The following RFC3 variants were observed in gnomAD, a reference collection of about 807,000 sequenced individuals.
RFC3 encodes A1 38 kDa subunit.
Under a neutral mutation model 45.1 loss-of-function variants are expected in RFC3, and 41 were observed. That is an observed-to-expected ratio of 0.91 (90% confidence interval 0.71 to 1.18). The LOEUF (loss-of-function observed/expected upper bound fraction) is 1.18, where lower values mean the gene tolerates loss of function less well. Among genes scored for constraint, RFC3 ranks in the 50% most tolerant of loss-of-function variants. The pLI is 0.00. For synonymous variants in RFC3, 149 were observed against 144.0 expected, an observed-to-expected ratio of 1.03 and a Z score of -0.25; for missense variants, 423 against 428.1, an observed-to-expected ratio of 0.99 and a Z score of 0.10.
chr13:33,938,439 G>A (rs548513031), intron 8 of RFC3, among the ~76,000 whole-genome samples: 1 of 152,080 alleles, frequency 6.6e-6, no homozygotes, highest in South Asian at 2.1e-4. Context: ...TAAAAACCAT[G>A]AAGAAGCAAC....
chr13:33,825,842 C>G lies in RFC3; in HGVS notation c.347C>G (p.Ala116Gly), dbSNP rs1353909938. 1.2e-6 allele frequency: 2 copies of G among 1,607,958 alleles called. No homozygotes were observed. The highest frequency in any genetic ancestry group is 1.7e-6 in the Non-Finnish European group (2 of 1,177,096). Residue 116 changes from alanine (A) to glycine (G), a missense_variant, in exon 4 of 9, where the codon GCA (alanine) becomes GGA (glycine). Coordinates refer to ENST00000380071, the MANE Select transcript of RFC3 (RefSeq NM_002915.4). ...VVIQEMLKTV[A>G]QSQQLETNSQ... is the part of the protein sequence containing the mutation. ...ATTCAGGAGATGTTGAAAACAGTGG[C>G]ACAATCACAACAACTTGAAACAAAC...
rs187154427 is a variant in RFC3 at position 33,819,126 on chromosome 13, A to G, written c.87+861A>G. On this transcript the variant is annotated intron_variant, in intron 1 of 8. Transcript: ENST00000380071. The stretch of plus-strand genomic sequence containing the variant: ...AGGCTGGTCTCGAACTCCTGACCTC[A>G]GGTGATCCGCCTGCCTCGGCCTCCC... Among the ~76,000 whole-genome samples, 1,311 of 152,204 alleles carry G rather than the reference A, an allele frequency of 8.6e-3. 24 individuals carry two copies. Among genetic ancestry groups the G allele is most frequent in the African/African-American group, 0.03 (1,241 of 41,548 alleles).
In RFC3 at chr13:33,830,952, G is replaced by A; in HGVS notation, c.710+97G>A. 10 of 955,806 alleles carry A rather than the reference G, an allele frequency of 1.0e-5. No homozygotes were observed. In the South Asian group the frequency reaches 1.6e-4, roughly 15 times the overall value. The allele number at this position is 955,806 out of a possible 1,614,324, so 59.2% of individuals were successfully genotyped here. ...GGAAGACAATTTTTCCATGGACTGG[G>A]CAGGGGTGGGGGATGGTTTCAGGAT... is the stretch of plus-strand genomic sequence containing the variant. On this transcript the variant is annotated intron_variant, in intron 6 of 8. Transcript: ENST00000380071.
intron 8 of RFC3, among the ~76,000 whole-genome samples, chr13:33,899,452 G>A (rs1593677056): frequency 6.6e-6 from 1 of 151,718 alleles, no homozygotes; most frequent in East Asian, 1.9e-4. Flanking sequence ...TTCAATAGAT[G>A]CTAAAAACGC....
intron 8 of RFC3, among the ~76,000 whole-genome samples, chr13:33,925,148 A>G (rs774531829): frequency 1.4e-5 from 2 of 147,106 alleles, no homozygotes; most frequent in Non-Finnish European, 3.0e-5. Flanking sequence ...ATAGTGTACT[A>G]TATACATACA....
At chr13:33,820,713 A>G (rs982415382) in intron 1 of RFC3, among the ~76,000 whole-genome samples, 3 of 152,226 alleles carry the variant, frequency 2.0e-5, no homozygotes, top group Admixed American at 1.3e-4. Context: ...TCAGAGTTAC[A>G]GAATCCTAAT....
At chr13:33,941,016 C>T (rs553948205) in intron 8 of RFC3, among the ~76,000 whole-genome samples, 166 of 152,356 alleles carry the variant, frequency 1.1e-3, no homozygotes, top group African/African-American at 3.7e-3. Flanking sequence ...ACATCAGATG[C>T]TTTTGTGCAG....
downstream of RFC3, among the ~76,000 whole-genome samples, chr13:33,841,596 T>G (rs2082199062): frequency 6.6e-6 from 1 of 152,180 alleles, no homozygotes; most frequent in Non-Finnish European, 1.5e-5. Context: ...ATGTTATTGG[T>G]AAGGCTTTCA....
chr13:33,858,983 G>C (rs1008709739), intron 8 of RFC3, among the ~76,000 whole-genome samples: 3 of 152,154 alleles, frequency 2.0e-5, no homozygotes, highest in Non-Finnish European at 4.4e-5. Context: ...TGCACACTCA[G>C]TCGTATGTGT....
intron 8 of RFC3, among the ~76,000 whole-genome samples, chr13:33,939,258 G>C (rs1370401549): frequency 6.6e-6 from 1 of 152,066 alleles, no homozygotes; most frequent in Non-Finnish European, 1.5e-5. Context: ...CTGAGTCTGT[G>C]CTAATGAGAT....
chr13:33,972,221 C>T, the RFC3 span, among the ~76,000 whole-genome samples: 1 of 151,986 alleles, frequency 6.6e-6, no homozygotes, highest in Non-Finnish European at 1.5e-5. Flanking sequence ...TTTTCAAAAT[C>T]CTCAAGATAG....
At chr13:33,854,790 T>G (rs2082298359) in intron 8 of RFC3, among the ~76,000 whole-genome samples, 1 of 152,132 alleles carries the variant, frequency 6.6e-6, no homozygotes, top group East Asian at 1.9e-4. Flanking sequence ...ACAGTGATTT[T>G]GGGGACTGGC....
rs3135538 is a variant in RFC3, at chr13:33,818,956, T to TCTCGG, written c.87+695_87+699dup. Among the ~76,000 whole-genome samples, 1,099 of 140,810 alleles carry TCTCGG rather than the reference T, an allele frequency of 7.8e-3. 12 individuals are homozygous for TCTCGG. The highest frequency in any genetic ancestry group is 0.028 in the African/African-American group (1,051 of 37,440). 92.4% of individuals were successfully genotyped at this position (140,810 alleles called of 152,430 possible). ...CCCAGGCTGGAATGCAATGGCGCGGTCTCGGCTCACTGCAACCTCCGCCTC... is the reference window on the plus strand; with the variant it reads ...CCCAGGCTGGAATGCAATGGCGCGGTCTCGGCTCGGCTCACTGCAACCTCCGCCTC... On this transcript the variant is annotated intron_variant, in intron 1 of 8. Transcript: ENST00000380071.
At chr13:33,906,770 G>A (rs535687059) in intron 8 of RFC3, among the ~76,000 whole-genome samples, 1 of 152,178 alleles carries the variant, frequency 6.6e-6, no homozygotes, top group South Asian at 2.1e-4. Context: ...GGTCTGTAGT[G>A]AGGGCCAAAT....
intron 8 of RFC3, among the ~76,000 whole-genome samples, chr13:33,898,540 C>T (rs1299828645): frequency 6.6e-6 from 1 of 151,680 alleles, no homozygotes; most frequent in African/African-American, 2.4e-5. Context: ...GCAATTTATA[C>T]CTATATCAAT....
At chr13:33,830,632 G>A in intron 5 of RFC3, 87 bp from the exon 6 acceptor site, 4 of 1,068,260 alleles carry the variant, frequency 3.7e-6, no homozygotes, top group Non-Finnish European at 5.4e-6. Context: ...GAGTAATACA[G>A]TTATAAGGGT....
At chr13:33,860,099 G>T (rs2137533104) in intron 8 of RFC3, among the ~76,000 whole-genome samples, 1 of 152,300 alleles carries the variant, frequency 6.6e-6, no homozygotes, top group East Asian at 1.9e-4. Flanking sequence ...GTCCTCAGGA[G>T]AAGCCAACCC....
the RFC3 span, among the ~76,000 whole-genome samples, chr13:33,972,095 G>A: frequency 6.6e-6 from 1 of 152,224 alleles, no homozygotes; most frequent in Non-Finnish European, 1.5e-5. Context: ...CGGCCTGGGT[G>A]ACAGAGCAGG....
chr13:33,912,185 C>T (rs1339761672), intron 8 of RFC3, among the ~76,000 whole-genome samples: 1 of 152,006 alleles, frequency 6.6e-6, no homozygotes, highest in Non-Finnish European at 1.5e-5. Flanking sequence ...TACTGTTTTG[C>T]AGGTCCCAAT....
Sources: gnomAD v4.1 joint callset for allele counts (sites outside exome capture counted in the v4.1 genomes callset) on GRCh38, gnomAD v4.1.1 for gene constraint, MANE v1.5 for transcripts, NCBI Gene and HGNC (gene_info 2026-07-23, HGNC 2026-07-21) for gene names.